Variants in GPC6 observed in about 807,000 individuals in gnomAD.
The protein encoded by GPC6 is glypican-6.
Under a neutral mutation model 55.2 loss-of-function variants are expected in GPC6, and 14 were observed. The observed-to-expected ratio is 0.25, with a 90% CI of 0.17 to 0.40. The LOEUF is 0.40. Among genes scored for constraint, GPC6 ranks in the 10% least tolerant of loss-of-function variants. The probability of loss-of-function intolerance (pLI) is 1.00; values close to 1 mark genes in which losing one functional copy is unlikely to be tolerated. For synonymous variants in GPC6, 278 were observed against 259.6 expected (o/e 1.07, Z -0.68); for missense variants, 641 against 708.5 (o/e 0.90, Z 1.08).
intron 2 of GPC6, among the ~76,000 whole-genome samples, chr13:93,560,123 C>T (rs769266092): frequency 2.6e-5 from 4 of 152,028 alleles, no homozygotes; most frequent in Non-Finnish European, 4.4e-5. Context: ...TGGATTAATC[C>T]GGTTCTTTTC....
intron 3 of GPC6, among the ~76,000 whole-genome samples, chr13:94,008,432 A>G (rs2140430943): frequency 6.6e-6 from 1 of 152,294 alleles, no homozygotes; most frequent in African/African-American, 2.4e-5. Flanking sequence ...AGGTGAGTGG[A>G]TCACTTGAGG....
chr13:93,849,347 T>C (rs141742981), intron 3 of GPC6, among the ~76,000 whole-genome samples: 1 of 152,192 alleles, frequency 6.6e-6, no homozygotes, highest in East Asian at 1.9e-4. Context: ...AACCCTACTT[T>C]CTCACAAAAG....
chr13:93,218,856 T>A, the GPC6 span, among the ~76,000 whole-genome samples: 146 of 152,276 alleles, frequency 9.6e-4, no homozygotes, highest in African/African-American at 3.3e-3. Context: ...AGGGGAATGG[T>A]TGGAGTTTGA....
At chr13:93,974,439 C>T (rs1408686977) in intron 3 of GPC6, among the ~76,000 whole-genome samples, 3 of 152,104 alleles carry the variant, frequency 2.0e-5, no homozygotes, top group Admixed American at 1.3e-4. Flanking sequence ...GTTATGTACA[C>T]TTCCAGAATG....
chr13:94,403,514 G>A lies in GPC6; in HGVS notation c.*297G>A. 5.1e-6 allele frequency: 2 copies of A among 391,208 alleles called. No individual in the cohort carries two copies. Among genetic ancestry groups the A allele is most frequent in the South Asian group, 5.6e-5 (2 of 35,718 alleles). 24.2% of individuals were successfully genotyped at this position (391,208 alleles called of 1,614,324 possible). On this transcript the variant is annotated 3_prime_UTR_variant, in exon 9 of 9. Coordinates refer to ENST00000377047, the MANE Select transcript of GPC6 (RefSeq NM_005708.5). Reference sequence around the variant, plus strand: ...TACCTTCATTTGCTTTTATGCTGCAGAAGTAAAGGAATCTCACGTTGTGAG... The same window carrying A: ...TACCTTCATTTGCTTTTATGCTGCAAAAGTAAAGGAATCTCACGTTGTGAG...
intron 1 of GPC6, among the ~76,000 whole-genome samples, chr13:93,434,140 G>T (rs950352658): frequency 3.4e-4 from 52 of 152,184 alleles, no homozygotes; most frequent in Admixed American, 1.4e-3. Context: ...TGGTGTCGGA[G>T]TGTCATGTTG....
At chr13:94,001,329 T>C (rs965476379) in intron 3 of GPC6, among the ~76,000 whole-genome samples, 13 of 152,194 alleles carry the variant, frequency 8.5e-5, no homozygotes, top group Admixed American at 2.6e-4. Flanking sequence ...ATCTTACATG[T>C]CATTATGTTA....
At chr13:93,527,379 G>A (rs1011580102) in intron 1 of GPC6, among the ~76,000 whole-genome samples, 10 of 151,964 alleles carry the variant, frequency 6.6e-5, no homozygotes, top group Non-Finnish European at 1.0e-4. Flanking sequence ...TCAGTTTAGC[G>A]TTTCACTACT....
chr13:93,761,127 C>T (rs1318766556), intron 2 of GPC6, among the ~76,000 whole-genome samples: 1 of 151,840 alleles, frequency 6.6e-6, no homozygotes, highest in East Asian at 1.9e-4. Context: ...TATTTTTATT[C>T]TCTATTTTTG....
intron 2 of GPC6, among the ~76,000 whole-genome samples, chr13:93,634,623 T>C (rs1465694496): frequency 6.6e-6 from 1 of 152,202 alleles, no homozygotes; most frequent in East Asian, 1.9e-4. Context: ...TGATTTTTAA[T>C]TCATGGCTAC....
intron 2 of GPC6, among the ~76,000 whole-genome samples, chr13:93,548,857 T>A (rs1594257161): frequency 6.6e-6 from 1 of 152,226 alleles, no homozygotes; most frequent in East Asian, 1.9e-4. Flanking sequence ...TATATCTTTT[T>A]TAAGTTTTTG....
intron 2 of GPC6, among the ~76,000 whole-genome samples, chr13:93,710,848 G>A (rs983143925): frequency 6.6e-6 from 1 of 151,578 alleles, no homozygotes; most frequent in African/African-American, 2.4e-5. Context: ...TGCTTATTGT[G>A]CATAACTTAA....
chr13:94,279,729 C>T (rs750244193), intron 4 of GPC6, among the ~76,000 whole-genome samples: 2 of 152,002 alleles, frequency 1.3e-5, no homozygotes, highest in Non-Finnish European at 2.9e-5. Flanking sequence ...CAGGTTGTTC[C>T]ATTTCCATGT....
At chr13:94,386,326 C>G (rs536664810) in intron 7 of GPC6, among the ~76,000 whole-genome samples, 32 of 151,036 alleles carry the variant, frequency 2.1e-4, no homozygotes, top group African/African-American at 7.6e-4. Flanking sequence ...CACCACTGCA[C>G]TCCAGCCTGG....
At chr13:93,275,930 G>A (rs1446322924) in intron 1 of GPC6, among the ~76,000 whole-genome samples, 1 of 152,026 alleles carries the variant, frequency 6.6e-6, no homozygotes, top group African/African-American at 2.4e-5. Flanking sequence ...GCTGGAGTGC[G>A]GCGGCGCGAT....
At chr13:93,705,364 A>G (rs1184905834) in intron 2 of GPC6, among the ~76,000 whole-genome samples, 2 of 151,980 alleles carry the variant, frequency 1.3e-5, no homozygotes, top group African/African-American at 4.8e-5. Flanking sequence ...AAACTTTTAT[A>G]GCAGCATGAC....
At chr13:93,342,214 T>A (rs1880282648) in intron 1 of GPC6, among the ~76,000 whole-genome samples, 1 of 152,146 alleles carries the variant, frequency 6.6e-6, no homozygotes, top group Non-Finnish European at 1.5e-5. Context: ...GACACAGGGT[T>A]AAACTGGGAG....
intron 6 of GPC6, among the ~76,000 whole-genome samples, chr13:94,330,737 C>A (rs1407874629): frequency 6.6e-6 from 1 of 152,096 alleles, no homozygotes; most frequent in Non-Finnish European, 1.5e-5. Flanking sequence ...ATGCAATGAG[C>A]TCTGTGCTCC....
chr13:93,442,280 C>T (rs191549537), intron 1 of GPC6, among the ~76,000 whole-genome samples: 25 of 152,106 alleles, frequency 1.6e-4, no homozygotes, highest in African/African-American at 2.6e-4. Flanking sequence ...GGAATTGGAG[C>T]GAGAAAGACT....
Sources: allele counts gnomAD v4.1 joint callset (sites outside exome capture counted in the v4.1 genomes callset), GRCh38; gene constraint gnomAD v4.1.1; transcripts MANE v1.5; gene names NCBI Gene and HGNC (gene_info 2026-07-23, HGNC 2026-07-21).